The following ANO6 variants were observed in gnomAD, a reference collection of about 807,000 sequenced individuals.
The protein encoded by ANO6 is anoctamin 6.
A neutral mutation model predicts 117.5 loss-of-function variants in ANO6; 106 were observed. The observed-to-expected ratio is 0.90, with a 90% CI of 0.77 to 1.06. ANO6 has a LOEUF of 1.06. ANO6 is among the 50% of genes least tolerant of loss of function. The pLI, the probability that ANO6 is intolerant of heterozygous loss-of-function variation, is 0.00. For synonymous variants in ANO6, 367 were observed against 385.1 expected (o/e 0.95, Z 0.55); for missense variants, 955 against 1,121.1 (o/e 0.85, Z 2.12).
Position 45,370,868 on chromosome 12 carries a change from G to A in ANO6, c.1104+3075G>A, listed in dbSNP as rs141898723. ...ATTGGGAGGAGGAGCCAAGATGGCC[G>A]AATAGGAACAGCTCCGGTCTACAGC... On this transcript the variant is annotated intron_variant, in intron 9 of 19. Transcript: ENST00000320560. 3.5e-3 allele frequency among the ~76,000 whole-genome samples: 536 copies of A among 152,284 alleles called. 9 individuals carry two copies. The highest frequency in any genetic ancestry group is 0.03 in the East Asian group (155 of 5,170).
rs762093821 is a variant in ANO6, at chr12:45,429,337, T to C, written c.*26T>C. ...GAGCTTTATGTTCTGAGAAGCACTTTAAGGAATTTAGCTTTGTCAAAATAT... is the reference window on the plus strand; with the variant it reads ...GAGCTTTATGTTCTGAGAAGCACTTCAAGGAATTTAGCTTTGTCAAAATAT... On this transcript the variant is annotated 3_prime_UTR_variant, in exon 20 of 20. Transcript: ENST00000320560. 1.9e-6 allele frequency: 3 copies of C among 1,608,466 alleles called. No individual in the cohort carries two copies. In the Admixed American group the frequency reaches 5.0e-5, roughly 27 times the overall value.
Position 45,343,790 on chromosome 12 carries a change from C to CCAG in ANO6, c.280-3229_280-3227dup, listed in dbSNP as rs1941047598. ...TGCTGTCCTGAGCACAGGGCTGCTG[C>CCAG]CAGCACCGCTGGCACCACTGACTAG... On this transcript the variant is annotated intron_variant, in intron 3 of 19. Transcript: ENST00000320560. Among the ~76,000 whole-genome samples, 4 of 152,294 alleles carry CCAG rather than the reference C, an allele frequency of 2.6e-5. No homozygotes were observed. In the South Asian group the frequency reaches 8.3e-4, roughly 32 times the overall value.
intron 1 of ANO6, among the ~76,000 whole-genome samples, chr12:45,246,534 T>C (rs1427608854): frequency 6.6e-6 from 1 of 152,056 alleles, no homozygotes; most frequent in East Asian, 1.9e-4. Flanking sequence ...GGACACCAGC[T>C]GTGGAAGTAG....
intron 17 of ANO6, among the ~76,000 whole-genome samples, chr12:45,420,808 C>T (rs184979186): frequency 0.015 from 1,575 of 107,120 alleles, 14 homozygotes; most frequent in Middle Eastern, 0.023. Flanking sequence ...ACCAGGAGTT[C>T]GAGACCAGGA....
chr12:45,410,819 T>A (rs1943067739), intron 16 of ANO6, among the ~76,000 whole-genome samples: 1 of 152,246 alleles, frequency 6.6e-6, no homozygotes, highest in African/African-American at 2.4e-5. Flanking sequence ...TTTAAAAATA[T>A]ACATTATACA....
intron 1 of ANO6, chr12:45,228,291 CTTT>C (rs34786875): frequency 8.2e-3 from 1,364 of 165,838 alleles, no homozygotes; most frequent in South Asian, 0.013. Flanking sequence ...CCAGGCCCTC[CTTT>C]TTTTTTTTTT....
chr12:45,310,749 G>A (rs1004601613), intron 2 of ANO6, among the ~76,000 whole-genome samples: 4 of 151,956 alleles, frequency 2.6e-5, no homozygotes, highest in Admixed American at 6.6e-5. Flanking sequence ...AAGTGCAGCC[G>A]GTCATCTCAA....
intron 12 of ANO6, among the ~76,000 whole-genome samples, chr12:45,401,274 A>G (rs1942779209): frequency 6.6e-6 from 1 of 152,186 alleles, no homozygotes; most frequent in African/African-American, 2.4e-5. Flanking sequence ...CTGACACTTC[A>G]ATTGGTGATA....
chr12:45,366,829 CTT>C (rs965819746), intron 8 of ANO6, among the ~76,000 whole-genome samples: 9 of 152,100 alleles, frequency 5.9e-5, no homozygotes, highest in African/African-American at 2.2e-4. Flanking sequence ...TTCTTGAACA[CTT>C]TATATTTTTT....
chr12:45,411,488 G>A (rs1195880508), intron 16 of ANO6, among the ~76,000 whole-genome samples: 1 of 152,154 alleles, frequency 6.6e-6, no homozygotes. Context: ...TCTAGTCTGT[G>A]AGAGACATAA....
chr12:45,250,761 TA>T (rs1237444756), intron 1 of ANO6, among the ~76,000 whole-genome samples: 2,603 of 116,550 alleles, frequency 0.022, 37 homozygotes, highest in South Asian at 0.07. Context: ...TCTGGTTACT[TA>T]AAAAAAAAAA....
intron 1 of ANO6, among the ~76,000 whole-genome samples, chr12:45,223,021 AAGGT>A (rs1294228546): frequency 1.3e-5 from 2 of 152,192 alleles, no homozygotes; most frequent in African/African-American, 4.8e-5. Flanking sequence ...GAGGTACCTG[AAGGT>A]AGCTTGCCCT....
intron 10 of ANO6, among the ~76,000 whole-genome samples, chr12:45,387,306 T>TA (rs1363448256): frequency 6.6e-6 from 1 of 152,222 alleles, no homozygotes; most frequent in Non-Finnish European, 1.5e-5. Context: ...ATTTTAGTCA[T>TA]ACATTATATA....
At chr12:45,413,337 G>A (rs1943134471) in intron 16 of ANO6, among the ~76,000 whole-genome samples, 1 of 152,192 alleles carries the variant, frequency 6.6e-6, no homozygotes, top group Non-Finnish European at 1.5e-5. Flanking sequence ...CATAGCAGAT[G>A]AGGAATAAAA....
chr12:45,239,138 C>A (rs1320574950), intron 1 of ANO6, among the ~76,000 whole-genome samples: 1 of 152,168 alleles, frequency 6.6e-6, no homozygotes, highest in Non-Finnish European at 1.5e-5. Context: ...CTTTATACTT[C>A]TGGTAGAATT....
chr12:45,321,520 A>G (rs7136368), intron 2 of ANO6, among the ~76,000 whole-genome samples: 119,234 of 152,172 alleles, frequency 0.78, 49,636 homozygotes, highest in Non-Finnish European at 0.93. Context: ...GTCATTGACA[A>G]TTAAGAAGCT....
chr12:45,428,902 A>G (rs530636257), intron 19 of ANO6, among the ~76,000 whole-genome samples: 1 of 152,306 alleles, frequency 6.6e-6, no homozygotes, highest in Admixed American at 6.5e-5. Flanking sequence ...CATATCACAT[A>G]GTATTATTTA....
chr12:45,440,102 A>G, exon 20 of ANO6: 1 of 609,854 alleles, frequency 1.6e-6, no homozygotes, highest in South Asian at 7.6e-5. Flanking sequence ...TGCAACCCAC[A>G]AGCTTTTATA....
chr12:45,390,816 C>T (rs1271871491), intron 12 of ANO6, among the ~76,000 whole-genome samples: 2 of 152,118 alleles, frequency 1.3e-5, no homozygotes, highest in African/African-American at 2.4e-5. Context: ...AATTTTCCAA[C>T]AGCAACAATC....
Sources: gnomAD v4.1 joint callset for allele counts (sites outside exome capture counted in the v4.1 genomes callset) on GRCh38, gnomAD v4.1.1 for gene constraint, MANE v1.5 for transcripts, NCBI Gene and HGNC (gene_info 2026-07-23, HGNC 2026-07-21) for gene names.